The following TC2N variants were observed in gnomAD, a reference collection of about 807,000 sequenced individuals.
TC2N encodes the protein tandem C2 domains nuclear protein.
A neutral mutation model predicts 61.9 loss-of-function variants in TC2N; 51 were observed. The observed-to-expected ratio is 0.82, with a 90% CI of 0.66 to 1.04. The LOEUF (loss-of-function observed/expected upper bound fraction) is 1.04. TC2N is among the 50% of genes least tolerant of loss of function. TC2N has a pLI of 0.00. For missense variants in TC2N, 556 were observed against 566.7 expected, an observed-to-expected ratio of 0.98 and a Z score of 0.19; for synonymous variants, 204 against 192.6, an observed-to-expected ratio of 1.06 and a Z score of -0.49.
At chr14:91,832,208 G>C (rs1201966361) in intron 1 of TC2N, among the ~76,000 whole-genome samples, 1 of 151,990 alleles carries the variant, frequency 6.6e-6, no homozygotes, top group Non-Finnish European at 1.5e-5. Flanking sequence ...GGCCAACATG[G>C]TAAAAACCCG....
intron 9 of TC2N, among the ~76,000 whole-genome samples, chr14:91,790,657 G>A (rs1362227706): frequency 3.3e-5 from 5 of 152,118 alleles, no homozygotes; most frequent in African/African-American, 4.8e-5. Context: ...AAATCCCTGA[G>A]TTCTCTTCTT....
chr14:91,854,508 TGGAGGAGGAGGAGGA>T (rs111798033), intron 1 of TC2N, among the ~76,000 whole-genome samples: 139 of 95,126 alleles, frequency 1.5e-3, no homozygotes, highest in Non-Finnish European at 2.4e-3. Flanking sequence ...GAGAAGGAGG[TGGAGGAGGAGGAGGA>T]GGAGGAGGAG....
At chr14:91,840,893 T>A (rs952511205) in intron 1 of TC2N, among the ~76,000 whole-genome samples, 2 of 151,974 alleles carry the variant, frequency 1.3e-5, no homozygotes, top group Non-Finnish European at 2.9e-5. Context: ...CCAGGAGAAC[T>A]AATCATGAGA....
chr14:91,836,295 G>C (rs1412559622), intron 1 of TC2N: 1 of 152,576 alleles, frequency 6.6e-6, no homozygotes, highest in East Asian at 1.9e-4. Context: ...TCCCCGCCCG[G>C]GTCCCGCCGC....
intron 9 of TC2N, among the ~76,000 whole-genome samples, chr14:91,789,524 T>C (rs1190371979): frequency 6.6e-6 from 1 of 151,190 alleles, no homozygotes; most frequent in Non-Finnish European, 1.5e-5. Context: ...GGCAGGAGAA[T>C]GGAGTGAACC....
At chr14:91,820,614 A>G (rs1887201982) in intron 1 of TC2N, among the ~76,000 whole-genome samples, 1 of 151,922 alleles carries the variant, frequency 6.6e-6, no homozygotes, top group Non-Finnish European at 1.5e-5. Flanking sequence ...AGCTAAGCCA[A>G]TTAGGCTAAA....
chr14:91,822,160 A>T (rs1383871737), intron 1 of TC2N, among the ~76,000 whole-genome samples: 1 of 152,198 alleles, frequency 6.6e-6, no homozygotes, highest in African/African-American at 2.4e-5. Flanking sequence ...TTTACTTAAG[A>T]AAAAAGCAAT....
chr14:91,802,137 TTTC>T (rs1397928939), intron 4 of TC2N, 114 bp downstream of exon 4: 17 of 888,772 alleles, frequency 1.9e-5, no homozygotes, highest in Admixed American at 7.2e-5. Context: ...TGAAGCTTGT[TTTC>T]TTATTTTTAA....
intron 1 of TC2N, among the ~76,000 whole-genome samples, chr14:91,822,958 G>A (rs1437741344): frequency 7.3e-5 from 11 of 151,540 alleles, no homozygotes; most frequent in Middle Eastern, 3.2e-3. Context: ...CTCGTGATCC[G>A]CCTGCTTCAG....
At chr14:91,865,221 GATTT>G (rs35671456) in intron 1 of TC2N, among the ~76,000 whole-genome samples, 28,032 of 151,936 alleles carry the variant, frequency 0.18, 2,833 homozygotes, top group African/African-American at 0.26. Context: ...TCACTTTAAT[GATTT>G]ATTTCTCTGA....
In TC2N at chr14:91,826,143, AC is replaced by A. The variant is rs1887488311; in HGVS notation, c.-56-12319del. 5.9e-5 allele frequency among the ~76,000 whole-genome samples: 9 copies of A among 151,884 alleles called. No individual in the cohort carries two copies. The South Asian group carries it at 1.9e-3, about 32-fold the overall frequency. ...AGACCAGCCTGTACAATATAGGGAG[AC>A]CCCTATCTCTACAAAAAATTAAAAA... is the stretch of plus-strand genomic sequence containing the variant. On this transcript the variant is annotated intron_variant, in intron 1 of 11. Transcript: ENST00000435962.
At chr14:91,814,546 A>G (rs1886925858) in intron 1 of TC2N, among the ~76,000 whole-genome samples, 2 of 151,462 alleles carry the variant, frequency 1.3e-5, no homozygotes. Context: ...CAGACAAATC[A>G]AAGAAAAAGA....
intron 1 of TC2N, among the ~76,000 whole-genome samples, chr14:91,831,832 T>C (rs1322063743): frequency 1.3e-5 from 2 of 152,202 alleles, no homozygotes; most frequent in Non-Finnish European, 2.9e-5. Flanking sequence ...TATACCCCCC[T>C]GCTTTTAGTA....
chr14:91,800,975 T>C (rs1025433831), intron 4 of TC2N, among the ~76,000 whole-genome samples: 2 of 151,336 alleles, frequency 1.3e-5, no homozygotes, highest in African/African-American at 4.9e-5. Flanking sequence ...TATGTATACA[T>C]ATATACATAT....
At chr14:91,810,954 G>A (rs1886737915) in intron 3 of TC2N, among the ~76,000 whole-genome samples, 1 of 151,888 alleles carries the variant, frequency 6.6e-6, no homozygotes, top group African/African-American at 2.4e-5. Context: ...GAAAAGAGAG[G>A]GGATAAGACA....
intron 1 of TC2N, among the ~76,000 whole-genome samples, chr14:91,845,276 T>C (rs1467656509): frequency 2.0e-5 from 3 of 152,000 alleles, no homozygotes; most frequent in Admixed American, 6.6e-5. Flanking sequence ...AATAAATATG[T>C]TTATACGTCT....
At chr14:91,807,682 A>G (rs1178676539) in intron 3 of TC2N, among the ~76,000 whole-genome samples, 2 of 152,142 alleles carry the variant, frequency 1.3e-5, no homozygotes, top group African/African-American at 4.8e-5. Context: ...TCATAGGCGG[A>G]AGGGACTTGC....
chr14:91,785,409 T>C (rs1885317627), intron 10 of TC2N, 48 bp from the exon 11 acceptor site: 4 of 1,439,250 alleles, frequency 2.8e-6, no homozygotes, highest in Non-Finnish European at 3.9e-6. Flanking sequence ...CAAAATACCA[T>C]ATAAAGATGT....
In TC2N at chr14:91,842,482, T is replaced by C. The variant is rs188453702; in HGVS notation, c.-57+24780A>G. Among the ~76,000 whole-genome samples, 418 of 152,318 alleles carry C rather than the reference T, an allele frequency of 2.7e-3. 4 individuals carry two copies. In the South Asian group the frequency reaches 0.028, roughly 10 times the overall value. On this transcript the variant is annotated intron_variant, in intron 1 of 11. Coordinates refer to ENST00000435962, the MANE Select transcript of TC2N (RefSeq NM_001128596.3). ...AGCTTAGAAACTTGTTCCTTTTCTCTTTTAGCATACTGAGTAAATCTCTCT... is the reference window on the plus strand; with the variant it reads ...AGCTTAGAAACTTGTTCCTTTTCTCCTTTAGCATACTGAGTAAATCTCTCT...
Sources: gnomAD v4.1 joint callset for allele counts (sites outside exome capture counted in the v4.1 genomes callset) on GRCh38, gnomAD v4.1.1 for gene constraint, MANE v1.5 for transcripts, NCBI Gene and HGNC (gene_info 2026-07-23, HGNC 2026-07-21) for gene names.